The following SIPA1L2 variants were observed in gnomAD, a reference collection of about 807,000 sequenced individuals.
SIPA1L2 encodes the protein signal induced proliferation associated 1 like 2.
Under a neutral mutation model 163.9 loss-of-function variants are expected in SIPA1L2, and 56 were observed. That is an observed-to-expected ratio of 0.34 (90% CI 0.28 to 0.43). The LOEUF (loss-of-function observed/expected upper bound fraction) is 0.43. SIPA1L2 is among the 20% of genes least tolerant of loss of function. The pLI is 1.00. For missense variants in SIPA1L2, 1,974 were observed against 2,193.5 expected (o/e 0.90, Z 2.00); for synonymous variants, 877 against 865.7 (o/e 1.01, Z -0.23).
Position 232,441,309 on chromosome 1 carries a change from G to A in SIPA1L2, c.3624C>T (p.Ser1208=). The A allele has an allele frequency of 6.3e-7, 1 of 1,596,584 alleles. No homozygotes were observed. The highest frequency in any genetic ancestry group is 1.1e-5 in the South Asian group (1 of 87,972). Residue 1208 remains serine (S), a synonymous_variant, in exon 14 of 23, where the codon TCC becomes TCT. Coordinates refer to ENST00000674635, the MANE Select transcript of SIPA1L2 (RefSeq NM_020808.5). ...GACTTACGTGAGAAAGCTTATTGGG[G>A]GAATCTTTGCAACTTCCATCTTTCT... ...ALQKDGSCKD[S]PNKLSHIGDK... is the part of the protein sequence containing the mutation.
rs779594242 is a variant in SIPA1L2, at chr1:232,514,860, G to C, written c.480C>G (p.Ser160Arg). ...QRGLHPIRQR[S>R]NSDVTISDID... ...TGTCACTGATAGTGACATCACTATTGCTCCTCTGTCTTATGGGGTGAAGTC... is the reference window on the plus strand; with the variant it reads ...TGTCACTGATAGTGACATCACTATTCCTCCTCTGTCTTATGGGGTGAAGTC... Residue 160 changes from serine (S) to arginine (R), a missense_variant, in exon 3 of 23, where the codon AGC (serine) becomes AGG (arginine). Physicochemically the swap from Ser to Arg is moderately radical, Grantham distance 110 (BLOSUM62 -1). Around this residue, in one of 3 missense-constraint regions of SIPA1L2, gnomAD observed 607 missense variants for 624.0 expected, o/e 0.97. Coordinates refer to ENST00000674635, the MANE Select transcript of SIPA1L2 (RefSeq NM_020808.5). The C allele has an allele frequency of 6.2e-7, 1 of 1,614,136 alleles. No individual in the cohort carries two copies.
At chr1:232,535,467 C>T (rs12094095) in intron 2 of SIPA1L2, among the ~76,000 whole-genome samples, 32,915 of 152,016 alleles carry the variant, frequency 0.22, 4,693 homozygotes, top group African/African-American at 0.41. Context: ...AAAATGGTTT[C>T]ACTACAAAAC....
chr1:232,404,066 G>T, intron 20 of SIPA1L2, 59 bp downstream of exon 20: 2 of 1,587,124 alleles, frequency 1.3e-6, no homozygotes, highest in Non-Finnish European at 1.7e-6. Flanking sequence ...GCAGACACAT[G>T]AAATATACAG....
Position 232,425,574 on chromosome 1 carries a change from C to T in SIPA1L2, c.4630+15G>A. The T allele has an allele frequency of 6.5e-7, 1 of 1,548,612 alleles. No individual in the cohort carries two copies. The highest frequency in any genetic ancestry group is 2.3e-4 in the Middle Eastern group (1 of 4,342). On this transcript the variant is annotated intron_variant, in intron 18 of 22. Transcript: ENST00000674635. Reference sequence around the variant, plus strand: ...CCCTCGGCGCTGGCCAGGGAGCAGCCAGCCCCTCACTTACTTCTCAGGCTC... The same window carrying T: ...CCCTCGGCGCTGGCCAGGGAGCAGCTAGCCCCTCACTTACTTCTCAGGCTC...
At chr1:232,571,487 A>T (rs1187224275) in intron 2 of SIPA1L2, among the ~76,000 whole-genome samples, 2 of 152,230 alleles carry the variant, frequency 1.3e-5, no homozygotes, top group Non-Finnish European at 2.9e-5. Context: ...TGTTACCTGA[A>T]ATTAATATAC....
At chr1:232,499,177 GAAAGA>G (rs1161820539) in intron 3 of SIPA1L2, among the ~76,000 whole-genome samples, 3 of 152,150 alleles carry the variant, frequency 2.0e-5, no homozygotes, top group African/African-American at 7.2e-5. Context: ...GAGTTAAAAT[GAAAGA>G]AGAGTCACAC....
intron 2 of SIPA1L2, among the ~76,000 whole-genome samples, chr1:232,553,011 G>T (rs529254289): frequency 1.3e-5 from 2 of 152,138 alleles, no homozygotes; most frequent in Admixed American, 6.5e-5. Context: ...ATCTGCAGAC[G>T]GCCTAAGTGT....
At chr1:232,522,617 A>G (rs2357070) in intron 2 of SIPA1L2, among the ~76,000 whole-genome samples, 105,796 of 151,678 alleles carry the variant, frequency 0.7, 38,017 homozygotes, top group Non-Finnish European at 0.8. Context: ...TGGCATATGG[A>G]CCCTCGGCAA....
intron 10 of SIPA1L2, among the ~76,000 whole-genome samples, 157 bp downstream of exon 10, chr1:232,460,730 C>T (rs1330139275): frequency 6.6e-6 from 1 of 152,178 alleles, no homozygotes; most frequent in East Asian, 1.9e-4. Flanking sequence ...GAACGAGTGA[C>T]ATCCCAACAA....
At chr1:232,615,127 A>G (rs1662433915) in intron 1 of SIPA1L2, among the ~76,000 whole-genome samples, 1 of 152,238 alleles carries the variant, frequency 6.6e-6, no homozygotes, top group Non-Finnish European at 1.5e-5. Flanking sequence ...AAACCACAAG[A>G]TAACTCTAGA....
intron 19 of SIPA1L2, among the ~76,000 whole-genome samples, chr1:232,406,478 G>A (rs968506497): frequency 6.6e-6 from 1 of 152,224 alleles, no homozygotes. Flanking sequence ...TAAACAAGAT[G>A]AATAGTCAAC....
chr1:232,432,422 C>A lies in SIPA1L2; in HGVS notation c.4081G>T (p.Gly1361Trp). The A allele has an allele frequency of 6.2e-7, 1 of 1,614,240 alleles. No individual in the cohort carries two copies. Among genetic ancestry groups the A allele is most frequent in the Non-Finnish European group, 8.5e-7 (1 of 1,180,050 alleles). Residue 1361 changes from glycine (G) to tryptophan (W), a missense_variant, in exon 16 of 23, where the codon GGG becomes TGG. By Grantham distance (184) the Gly-to-Trp change is radical (BLOSUM62 -2). Around this residue, in one of 3 missense-constraint regions of SIPA1L2, gnomAD observed 1,079 missense variants for 1,150.7 expected, o/e 0.94. Transcript: ENST00000674635. ...TAGACTTTGGATGAATCCAGAGACC[C>A]ACTACTTTTTGAACAGTGAGCTGAA... ...SPSAHCSKSS[G>W]SLDSSKVYIV...
At position 232,570,995 on chromosome 1, in the gene SIPA1L2, G is replaced by C. The variant is rs140920715; in HGVS notation, c.-270+3179C>G. 2.1e-3 allele frequency among the ~76,000 whole-genome samples: 306 copies of C among 145,824 alleles called. 2 individuals carry two copies. The highest frequency in any genetic ancestry group is 7.3e-3 in the African/African-American group (290 of 39,844). ...AAACTTAGGGAGAGACTGAGAGACTGACATACTTGATAAAAGAGAACTCAA... is the reference window on the plus strand; with the variant it reads ...AAACTTAGGGAGAGACTGAGAGACTCACATACTTGATAAAAGAGAACTCAA... On this transcript the variant is annotated intron_variant, in intron 2 of 22. Coordinates refer to ENST00000674635, the MANE Select transcript of SIPA1L2 (RefSeq NM_020808.5).
At chr1:232,405,391 A>G (rs1477228566) in intron 19 of SIPA1L2, among the ~76,000 whole-genome samples, 1 of 152,258 alleles carries the variant, frequency 6.6e-6, no homozygotes, top group African/African-American at 2.4e-5. Context: ...CCTGAGCATC[A>G]TGTTACCAAT....
In SIPA1L2 at chr1:232,514,445, T is replaced by C. The variant is rs758235399; in HGVS notation, c.895A>G (p.Lys299Glu). Residue 299 changes from lysine to glutamate, a missense_variant, in exon 3 of 23, where the codon AAA (lysine) becomes GAA (glutamate). Coordinates refer to ENST00000674635, the MANE Select transcript of SIPA1L2 (RefSeq NM_020808.5). Reference sequence around the variant, plus strand: ...AACTTGAAAGTTTCGTGCTCACTTTTAACAGTTCGAAGCTTTCGGAAGAGA... The same window carrying C: ...AACTTGAAAGTTTCGTGCTCACTTTCAACAGTTCGAAGCTTTCGGAAGAGA... ...TSLFRKLRTV[K>E]SEHETFKFTS... 5 of 1,614,118 alleles carry C rather than the reference T, an allele frequency of 3.1e-6. No individual in the cohort carries two copies. The East Asian group carries it at 1.1e-4, about 36-fold the overall frequency.
intron 17 of SIPA1L2, 127 bp downstream of exon 17, chr1:232,428,284 T>G: frequency 2.7e-6 from 2 of 736,468 alleles, no homozygotes; most frequent in Non-Finnish European, 3.9e-6. Flanking sequence ...GTGCAGTGAG[T>G]TGTTGGTAGG....
At chr1:232,428,718 T>A (rs907512535) in intron 16 of SIPA1L2, among the ~76,000 whole-genome samples, 154 bp from the exon 17 acceptor site, 2 of 152,136 alleles carry the variant, frequency 1.3e-5, no homozygotes, top group African/African-American at 4.8e-5. Context: ...TTGCTCCAAA[T>A]TCCCATGCCA....
intron 1 of SIPA1L2, among the ~76,000 whole-genome samples, chr1:232,592,501 T>G (rs966776364): frequency 1.3e-5 from 2 of 152,214 alleles, no homozygotes; most frequent in African/African-American, 4.8e-5. Flanking sequence ...TGATCTTAAA[T>G]CAAATTAACT....
intron 3 of SIPA1L2, among the ~76,000 whole-genome samples, chr1:232,499,862 T>G (rs1356645201): frequency 9.2e-5 from 14 of 152,244 alleles, no homozygotes. Context: ...AAGCCAATGC[T>G]TATTGATCAT....
Sources: allele counts gnomAD v4.1 joint callset (sites outside exome capture counted in the v4.1 genomes callset), GRCh38; gene constraint gnomAD v4.1.1; regional missense constraint gnomAD v4.1.1; transcripts MANE v1.5; gene names NCBI Gene and HGNC (gene_info 2026-07-23, HGNC 2026-07-21).